The following SLC15A2 variants were observed in gnomAD, a reference collection of about 807,000 sequenced individuals.
SLC15A2 encodes solute carrier family 15 member 2.
A neutral mutation model predicts 95.5 loss-of-function variants in SLC15A2; 77 were observed. The ratio of observed to expected loss-of-function variants is 0.81; its 90% CI spans 0.67 to 0.97. SLC15A2 has a LOEUF of 0.97. Ranked by LOEUF, SLC15A2 falls within the 50% of genes least tolerant of loss-of-function variation. The probability of loss-of-function intolerance (pLI) is 0.00; values close to 1 mark genes in which losing one functional copy is unlikely to be tolerated. For missense variants in SLC15A2, 893 were observed against 874.4 expected (o/e 1.02, Z -0.27); for synonymous variants, 306 against 306.9 (o/e 1.00, Z 0.03).
In SLC15A2 at chr3:121,931,747, A is replaced by G. The variant is rs889808344; in HGVS notation, c.1761+12A>G. ...TTGTTATTACTAATGTAAGTAGCTCACAGCCACCTCTTTACCCTCTCTCCA... is the reference window on the plus strand; with the variant it reads ...TTGTTATTACTAATGTAAGTAGCTCGCAGCCACCTCTTTACCCTCTCTCCA... On this transcript the variant is annotated intron_variant, in intron 19 of 21. Transcript: ENST00000489711. The G allele has an allele frequency of 1.3e-6, 2 of 1,495,722 alleles. No individual in the cohort carries two copies. Among genetic ancestry groups the G allele is most frequent in the African/African-American group, 2.8e-5 (2 of 72,614 alleles). The allele number at this position is 1,495,722 out of a possible 1,614,324, so 92.7% of individuals were successfully genotyped here. A position where few individuals can be genotyped will look rare whatever the true frequency, so the allele number is the denominator to read the frequency against.
At chr3:121,940,088 G>A (rs1400748383) in intron 20 of SLC15A2, among the ~76,000 whole-genome samples, 1 of 152,134 alleles carries the variant, frequency 6.6e-6, no homozygotes, top group African/African-American at 2.4e-5. Flanking sequence ...TTACAGGCTT[G>A]AGCTACTGCG....
intron 3 of SLC15A2, among the ~76,000 whole-genome samples, chr3:121,903,158 A>C (rs1559840174): frequency 6.6e-6 from 1 of 152,194 alleles, no homozygotes; most frequent in Admixed American, 6.5e-5. Context: ...TCTTCTTTTG[A>C]AAAGTGTCTG....
chr3:121,915,286 G>A lies in SLC15A2; in HGVS notation c.588G>A (p.Leu196=). ...VFYLSINAGS[L]ISTFITPMLR... ...ACCTGTCCATCAATGCAGGGAGCTTGATTTCTACATTTATCACACCCATGC... is the reference window on the plus strand; with the variant it reads ...ACCTGTCCATCAATGCAGGGAGCTTAATTTCTACATTTATCACACCCATGC... The change falls in exon 6 of 22, where the codon TTG becomes TTA. Residue 196 remains leucine, a synonymous_variant. Coordinates refer to ENST00000489711, the MANE Select transcript of SLC15A2 (RefSeq NM_021082.4). 6.2e-7 allele frequency: 1 copy of A among 1,613,276 alleles called. No individual in the cohort carries two copies. Among genetic ancestry groups the A allele is most frequent in the Non-Finnish European group, 8.5e-7 (1 of 1,179,682 alleles).
intron 3 of SLC15A2, among the ~76,000 whole-genome samples, chr3:121,908,469 C>T (rs1356783160): frequency 1.3e-5 from 2 of 152,218 alleles, no homozygotes; most frequent in African/African-American, 2.4e-5. Flanking sequence ...GCATCAACTA[C>T]GCTGGGAGCT....
At chr3:121,904,986 T>C (rs1316227501) in intron 3 of SLC15A2, among the ~76,000 whole-genome samples, 1 of 152,230 alleles carries the variant, frequency 6.6e-6, no homozygotes. Flanking sequence ...TCCTGGCCTT[T>C]TTTTGGTTGG....
At chr3:121,932,907 C>T (rs1710260855) in intron 19 of SLC15A2, among the ~76,000 whole-genome samples, 1 of 152,084 alleles carries the variant, frequency 6.6e-6, no homozygotes, top group Admixed American at 6.6e-5. Flanking sequence ...GCTATCCCTC[C>T]CCCCTCCGCG....
At chr3:121,911,740 C>A in intron 4 of SLC15A2, 74 bp downstream of exon 4, 1 of 974,018 alleles carries the variant, frequency 1.0e-6, no homozygotes, top group Non-Finnish European at 1.6e-6. Context: ...GTTTTCTTAC[C>A]AGAGATGTCT....
At chr3:121,929,275 A>G in intron 16 of SLC15A2, 27 bp from the exon 17 acceptor site, 1 of 1,612,086 alleles carries the variant, frequency 6.2e-7, no homozygotes, top group Non-Finnish European at 8.5e-7. Flanking sequence ...ATCAGCTGTT[A>G]CTGATTTTTA....
chr3:121,894,695 C>G (rs1000851231), intron 1 of SLC15A2, 114 bp downstream of exon 1: 12 of 650,838 alleles, frequency 1.8e-5, no homozygotes, highest in Non-Finnish European at 3.1e-5. Context: ...AAATGCTTCT[C>G]TCTTGGATTT....
chr3:121,924,514 T>C (rs1251146145), intron 12 of SLC15A2, 131 bp downstream of exon 12: 2 of 853,724 alleles, frequency 2.3e-6, no homozygotes, highest in Non-Finnish European at 3.9e-6. Flanking sequence ...AGCTTCGACA[T>C]GAAAACATTC....
chr3:121,943,472 A>G lies in SLC15A2; in HGVS notation c.*2465A>G, dbSNP rs1357467529. 1 of 152,176 alleles carries G rather than the reference A, an allele frequency of 6.6e-6. No homozygotes were observed. Among genetic ancestry groups the G allele is most frequent in the African/African-American group, 2.4e-5 (1 of 41,454 alleles). The allele number at this position is 152,176 out of a possible 1,614,324, so 9.4% of individuals were successfully genotyped here. On this transcript the variant is annotated 3_prime_UTR_variant, in exon 22 of 22. Coordinates refer to ENST00000489711, the MANE Select transcript of SLC15A2 (RefSeq NM_021082.4). ...GAAAAACATTCTTTATCTGAAATAC[A>G]GCAATTAATATTAAGATATCTTAAT...
At position 121,940,897 on chromosome 3, in the gene SLC15A2, T is replaced by TGTA; in HGVS notation, c.2080_2081insGTA (p.Tyr694delinsCysAsn). 6.2e-7 allele frequency: 1 copy of TGTA among 1,614,194 alleles called. No individual in the cohort carries two copies. Among genetic ancestry groups the TGTA allele is most frequent in the Non-Finnish European group, 8.5e-7 (1 of 1,180,028 alleles). On this transcript the variant is annotated protein_altering_variant, in exon 22 of 22. Coordinates refer to ENST00000489711, the MANE Select transcript of SLC15A2 (RefSeq NM_021082.4). ...CTGCCTGATCTTCTCCATCATGGGC[T>TGTA]ACTACTATGTTCCTGTAAAGACAGA... is the stretch of plus-strand genomic sequence containing the variant.
intron 7 of SLC15A2, among the ~76,000 whole-genome samples, chr3:121,916,256 C>T (rs116476861): frequency 0.013 from 2,003 of 152,206 alleles, 39 homozygotes; most frequent in African/African-American, 0.046. Context: ...CAACTTAAAT[C>T]AAGTGGCATT....
At chr3:121,939,849 G>C (rs1710425629) in intron 20 of SLC15A2, among the ~76,000 whole-genome samples, 1 of 151,970 alleles carries the variant, frequency 6.6e-6, no homozygotes, top group Non-Finnish European at 1.5e-5. Context: ...CGCGATCTCA[G>C]CTCACTGCAT....
chr3:121,923,064 G>A lies in SLC15A2; in HGVS notation c.892G>A (p.Ala298Thr), dbSNP rs1710039526. 6.2e-7 allele frequency: 1 copy of A among 1,613,970 alleles called. No homozygotes were observed. Among genetic ancestry groups the A allele is most frequent in the Non-Finnish European group, 8.5e-7 (1 of 1,179,908 alleles). ...YPKQLIMDVKALTRVLFLYIP... is the reference protein window; with the variant it reads ...YPKQLIMDVKTLTRVLFLYIP... ...GAAGCAGCTCATTATGGATGTAAAGGCACTGACCAGGGTACTATTCCTTTA... is the reference window on the plus strand; with the variant it reads ...GAAGCAGCTCATTATGGATGTAAAGACACTGACCAGGGTACTATTCCTTTA... Residue 298 changes from alanine to threonine, a missense_variant, in exon 10 of 22, where the codon GCA becomes ACA. By Grantham distance (58) the Ala-to-Thr change is moderately conservative (BLOSUM62 0). Transcript: ENST00000489711.
rs1710034643 is a variant in SLC15A2, at chr3:121,922,854, A to C, written c.860A>C (p.Lys287Thr). Residue 287 changes from lysine (K) to threonine (T), a missense_variant, in exon 9 of 22, where the codon AAA becomes ACA. Coordinates refer to ENST00000489711, the MANE Select transcript of SLC15A2 (RefSeq NM_021082.4). ...RQHWLDWAAE[K>T]YPKQLIMDVK... ...CACTGGCTAGACTGGGCGGCTGAGA[A>C]ATATCCAGTAAGTTGGAAATGCAGA... 3 of 1,613,304 alleles carry C rather than the reference A, an allele frequency of 1.9e-6. No homozygotes were observed. Among genetic ancestry groups the C allele is most frequent in the Non-Finnish European group, 2.5e-6 (3 of 1,179,306 alleles).
intron 3 of SLC15A2, among the ~76,000 whole-genome samples, chr3:121,899,798 A>C (rs1210552308): frequency 6.6e-6 from 1 of 152,206 alleles, no homozygotes; most frequent in Non-Finnish European, 1.5e-5. Flanking sequence ...GTAGTACAAT[A>C]AGATATACTG....
intron 13 of SLC15A2, among the ~76,000 whole-genome samples, chr3:121,927,365 A>G (rs950706718): frequency 5.9e-5 from 9 of 152,156 alleles, no homozygotes; most frequent in African/African-American, 1.9e-4. Context: ...AATTCTCATG[A>G]AGGGTTTAGC....
intron 5 of SLC15A2, among the ~76,000 whole-genome samples, chr3:121,913,821 C>T (rs1050989652): frequency 3.3e-5 from 5 of 152,118 alleles, no homozygotes; most frequent in Admixed American, 3.3e-4. Context: ...TTCTGGCTTC[C>T]TCAGTTTTGC....
Sources: allele counts gnomAD v4.1 joint callset (sites outside exome capture counted in the v4.1 genomes callset), GRCh38; gene constraint gnomAD v4.1.1; transcripts MANE v1.5; gene names NCBI Gene and HGNC (gene_info 2026-07-23, HGNC 2026-07-21).